The following TSTD2 variants were observed in gnomAD, a reference collection of about 807,000 sequenced individuals.
TSTD2 encodes the protein thiosulfate sulfurtransferase like domain containing 2.
Under a neutral mutation model 47.9 loss-of-function variants are expected in TSTD2, and 37 were observed. The ratio of observed to expected loss-of-function variants is 0.77; its 90% confidence interval spans 0.59 to 1.02. TSTD2 has a LOEUF of 1.02. Among genes scored for constraint, TSTD2 ranks in the 50% least tolerant of loss-of-function variants. The pLI is 0.00. For synonymous variants in TSTD2, 201 were observed against 215.9 expected, an observed-to-expected ratio of 0.93 and a Z score of 0.61; for missense variants, 586 against 616.0, an observed-to-expected ratio of 0.95 and a Z score of 0.52.
At position 97,601,731 on chromosome 9, in the gene TSTD2, G is replaced by A; in HGVS notation, c.*738C>T. On this transcript the variant is annotated 3_prime_UTR_variant, in exon 10 of 10. Transcript: ENST00000341170. The stretch of plus-strand genomic sequence containing the variant: ...GTGTGGCTGTTCAATAAACTATACA[G>A]TTGACCCTTGAACAATATGGGTTTG... The A allele has an allele frequency of 3.8e-6, 1 of 265,042 alleles. No homozygotes were observed. The highest frequency in any genetic ancestry group is 5.8e-6 in the Non-Finnish European group (1 of 171,248). 16.4% of individuals were successfully genotyped at this position (265,042 alleles called of 1,614,324 possible).
chr9:97,626,892 G>T (rs1205065773), intron 2 of TSTD2, among the ~76,000 whole-genome samples: 2 of 149,876 alleles, frequency 1.3e-5, no homozygotes, highest in African/African-American at 4.9e-5. Context: ...TTTAATGTTG[G>T]TCCAAATAAA....
chr9:97,602,729 G>A lies in TSTD2; in HGVS notation c.1291C>T (p.Leu431Phe), dbSNP rs777959192. Residue 431 changes from leucine (L) to phenylalanine (F), a missense_variant, in exon 10 of 10, where the codon CTC becomes TTC. Physicochemically the swap from Leu to Phe is conservative, Grantham distance 22. Transcript: ENST00000341170. ...TGGCGGCACTGGGGAGTAGAGCAGA[G>A]TTTATACTGGTCCCAGCGGGCTCCA... ...YCGARWDQYKLCSTPQCRQLV... is the reference protein window; with the variant it reads ...YCGARWDQYKFCSTPQCRQLV... 11 of 1,614,058 alleles carry A rather than the reference G, an allele frequency of 6.8e-6. No homozygotes were observed. Among genetic ancestry groups the A allele is most frequent in the Non-Finnish European group, 6.8e-6 (8 of 1,179,964 alleles).
Position 97,627,029 on chromosome 9 carries a change from T to A in TSTD2, c.165+369A>T, listed in dbSNP as rs151157884. Among the ~76,000 whole-genome samples, 11 of 152,324 alleles carry A rather than the reference T, an allele frequency of 7.2e-5. No individual in the cohort carries two copies. In the East Asian group the frequency reaches 2.1e-3, roughly 29 times the overall value. On this transcript the variant is annotated intron_variant, in intron 2 of 9. Transcript: ENST00000341170. ...CCTGTTCAAATCTGTTGCCTATTTT[T>A]CCATTATAGCATTTATCTTCTTACT...
At chr9:97,605,768 A>C in intron 7 of TSTD2, 127 bp from the exon 8 acceptor site, 1 of 1,215,354 alleles carries the variant, frequency 8.2e-7, no homozygotes, top group Non-Finnish European at 1.1e-6. Flanking sequence ...TCTCATCCCC[A>C]CTCTGACCTT....
rs1826226650 is a variant in TSTD2, at chr9:97,600,316, A to AC, written c.*2152_*2153insG. The AC allele has an allele frequency of 1.0e-6, 1 of 986,066 alleles. No individual in the cohort carries two copies. The highest frequency in any genetic ancestry group is 1.7e-5 in the African/African-American group (1 of 57,242). 61.1% of individuals were successfully genotyped at this position (986,066 alleles called of 1,614,324 possible). A position where few individuals can be genotyped will look rare whatever the true frequency, so the allele number is the denominator to read the frequency against. ...TCCTTTTGCTGGATATGCAGAAATG[A>AC]TAGGAAAAAAACCAATGGTGAAATT... is the stretch of plus-strand genomic sequence containing the variant. On this transcript the variant is annotated 3_prime_UTR_variant, in exon 10 of 10. Transcript: ENST00000341170.
rs1036799190 is a variant in TSTD2, at chr9:97,601,213, G to A, written c.*1256C>T. On this transcript the variant is annotated 3_prime_UTR_variant, in exon 10 of 10. Coordinates refer to ENST00000341170, the MANE Select transcript of TSTD2 (RefSeq NM_139246.5). The stretch of plus-strand genomic sequence containing the variant: ...CACAATTGCAGCTGCATTCTGCATC[G>A]CTGAAAACTGCAATATAATATTAAA... The A allele has an allele frequency of 2.8e-5, 36 of 1,283,202 alleles. No homozygotes were observed. Among genetic ancestry groups the A allele is most frequent in the Non-Finnish European group, 3.5e-5 (34 of 977,436 alleles). The allele number at this position is 1,283,202 out of a possible 1,614,324, so 79.5% of individuals were successfully genotyped here.
intron 5 of TSTD2, among the ~76,000 whole-genome samples, chr9:97,611,302 G>A (rs956719365): frequency 6.6e-6 from 1 of 152,102 alleles, no homozygotes; most frequent in African/African-American, 2.4e-5. Context: ...GGTGATGCAC[G>A]CCTATGGTCC....
At chr9:97,627,344 T>G in intron 2 of TSTD2, 54 bp downstream of exon 2, 9 of 1,507,962 alleles carry the variant, frequency 6.0e-6, no homozygotes, top group Non-Finnish European at 7.1e-6. Flanking sequence ...GACTTCCAAA[T>G]GTATCTGCGT....
chr9:97,614,697 CA>C (rs1826515260), intron 4 of TSTD2, among the ~76,000 whole-genome samples: 1 of 152,194 alleles, frequency 6.6e-6, no homozygotes, highest in Non-Finnish European at 1.5e-5. Flanking sequence ...CAGCAAATGT[CA>C]ATACCCTGAG....
At position 97,601,728 on chromosome 9, in the gene TSTD2, A is replaced by C. The variant is rs958881016; in HGVS notation, c.*741T>G. 3.6e-6 allele frequency: 1 copy of C among 277,212 alleles called. No individual in the cohort carries two copies. The highest frequency in any genetic ancestry group is 2.3e-5 in the African/African-American group (1 of 43,920). The allele number at this position is 277,212 out of a possible 1,614,324, so 17.2% of individuals were successfully genotyped here. A position where few individuals can be genotyped will look rare whatever the true frequency, so the allele number is the denominator to read the frequency against. On this transcript the variant is annotated 3_prime_UTR_variant, in exon 10 of 10. Transcript: ENST00000341170. ...TGGGTGTGGCTGTTCAATAAACTAT[A>C]CAGTTGACCCTTGAACAATATGGGT... is the stretch of plus-strand genomic sequence containing the variant.
intron 3 of TSTD2, among the ~76,000 whole-genome samples, chr9:97,622,652 C>T (rs757421562): frequency 7.2e-5 from 11 of 152,226 alleles, no homozygotes; most frequent in Non-Finnish European, 1.0e-4. Flanking sequence ...AGGCTATACC[C>T]GCAAAGCCAC....
rs1434037055 is a variant in TSTD2, at chr9:97,600,575, A to G, written c.*1894T>C. ...TTATGTGAGGTAAGACACTAGAGGG[A>G]TAAATTTCCAGATCAACATGGCTAT... On this transcript the variant is annotated 3_prime_UTR_variant, in exon 10 of 10. Transcript: ENST00000341170. 4 of 986,182 alleles carry G rather than the reference A, an allele frequency of 4.1e-6. No individual in the cohort carries two copies. The highest frequency in any genetic ancestry group is 4.8e-6 in the Non-Finnish European group (4 of 830,582). The allele number at this position is 986,182 out of a possible 1,614,324, so 61.1% of individuals were successfully genotyped here. A position where few individuals can be genotyped will look rare whatever the true frequency, so the allele number is the denominator to read the frequency against.
intron 4 of TSTD2, among the ~76,000 whole-genome samples, chr9:97,614,555 A>T (rs1253048863): frequency 6.6e-6 from 1 of 150,546 alleles, no homozygotes; most frequent in African/African-American, 2.4e-5. Context: ...GCAGAAAGGG[A>T]TAGAACGTGA....
At chr9:97,613,338 C>G (rs558826112) in intron 4 of TSTD2, among the ~76,000 whole-genome samples, 8 of 152,286 alleles carry the variant, frequency 5.3e-5, no homozygotes, top group South Asian at 4.1e-4. Flanking sequence ...GGGTGTGTGT[C>G]TGTTTTGCTC....
In TSTD2 at chr9:97,626,144, AC is replaced by A. The variant is rs1405965607; in HGVS notation, c.166-148del. The A allele has an allele frequency of 5.1e-6, 4 of 786,602 alleles. No homozygotes were observed. The African/African-American group carries it at 5.3e-5, about 10-fold the overall frequency. 48.7% of individuals were successfully genotyped at this position (786,602 alleles called of 1,614,324 possible). Reference sequence around the variant, plus strand: ...GTTATACAATTCTCTGAGAAGTAACACTTCTCTTATTAGTAAGCTTTAGAAG... The same window carrying A: ...GTTATACAATTCTCTGAGAAGTAACATTCTCTTATTAGTAAGCTTTAGAAG... On this transcript the variant is annotated intron_variant, in intron 2 of 9. Transcript: ENST00000341170.
intron 9 of TSTD2, chr9:97,603,251 G>A (rs2131303850): frequency 6.1e-6 from 1 of 163,848 alleles, no homozygotes. Flanking sequence ...TGTTGCTAGG[G>A]CACTTGACCA....
Position 97,610,375 on chromosome 9 carries a change from C to T in TSTD2, c.806G>A (p.Ser269Asn), listed in dbSNP as rs1186719075. ...CTTCTTGTAGGAGATCTTTTTGGGG[C>T]TGATCCCCATGGGCACGATTTCTTC... ...VFEEIVPMGI[S>N]PKKISYKKPG... Residue 269 changes from serine to asparagine, a missense_variant, in exon 6 of 10, where the codon AGC (serine) becomes AAC (asparagine). Ser to Asn is a conservative substitution (Grantham distance 46). Coordinates refer to ENST00000341170, the MANE Select transcript of TSTD2 (RefSeq NM_139246.5). 6.2e-7 allele frequency: 1 copy of T among 1,604,240 alleles called. No individual in the cohort carries two copies. The highest frequency in any genetic ancestry group is 1.7e-5 in the Admixed American group (1 of 58,008).
chr9:97,620,695 CTT>C (rs1826620640), intron 3 of TSTD2, among the ~76,000 whole-genome samples: 1 of 152,166 alleles, frequency 6.6e-6, no homozygotes, highest in Admixed American at 6.5e-5. Flanking sequence ...AAAGGTGACT[CTT>C]GTTATGTTTT....
chr9:97,632,253 G>T (rs1268785647), intron 1 of TSTD2, among the ~76,000 whole-genome samples: 1 of 152,190 alleles, frequency 6.6e-6, no homozygotes, highest in Non-Finnish European at 1.5e-5. Flanking sequence ...AAAGGAAATA[G>T]TATAAGTTCC....
Sources: gnomAD v4.1 joint callset for allele counts (sites outside exome capture counted in the v4.1 genomes callset) on GRCh38, gnomAD v4.1.1 for gene constraint, MANE v1.5 for transcripts, NCBI Gene and HGNC (gene_info 2026-07-23, HGNC 2026-07-21) for gene names.